The following GRB14 variants were observed in gnomAD, a reference collection of about 807,000 sequenced individuals.
GRB14 encodes growth factor receptor-bound protein 14.
Under a neutral mutation model 69.1 loss-of-function variants are expected in GRB14, and 38 were observed. The observed-to-expected ratio is 0.55, with a 90% CI of 0.42 to 0.72. The LOEUF (loss-of-function observed/expected upper bound fraction) is 0.72, where lower values mean the gene tolerates loss of function less well. GRB14 is among the 30% of genes least tolerant of loss of function. The pLI is 0.00. For missense variants in GRB14, 666 were observed against 666.1 expected, an observed-to-expected ratio of 1.00 and a Z score of 0.00; for synonymous variants, 247 against 241.3, an observed-to-expected ratio of 1.02 and a Z score of -0.22.
intron 9 of GRB14, among the ~76,000 whole-genome samples, chr2:164,500,636 T>C (rs1225725806): frequency 6.6e-6 from 1 of 152,012 alleles, no homozygotes; most frequent in African/African-American, 2.4e-5. Flanking sequence ...ATTAATAATA[T>C]TAAAGATGTA....
intron 2 of GRB14, among the ~76,000 whole-genome samples, chr2:164,586,898 G>A (rs1044189541): frequency 6.6e-6 from 1 of 152,064 alleles, no homozygotes; most frequent in Admixed American, 6.6e-5. Flanking sequence ...AAAACCACAA[G>A]GCTGACATAA....
At chr2:164,578,498 A>C (rs1286697446) in intron 2 of GRB14, among the ~76,000 whole-genome samples, 7 of 149,842 alleles carry the variant, frequency 4.7e-5, no homozygotes, top group African/African-American at 1.7e-4. Context: ...GAACAAAAAA[A>C]AGGAACGAAA....
At position 164,578,522 on chromosome 2, in the gene GRB14, G is replaced by GCACACACACA. The variant is rs61283767; in HGVS notation, c.325-30716_325-30707dup. Reference sequence around the variant, plus strand: ...AAAGGAACGAAAAGACAATTCGCGCGCACACACACACACACACACACACAC... The same window carrying GCACACACACA: ...AAAGGAACGAAAAGACAATTCGCGCGCACACACACACACACACACACACACACACACACAC... On this transcript the variant is annotated intron_variant, in intron 2 of 13. Transcript: ENST00000263915. 7.1e-3 allele frequency among the ~76,000 whole-genome samples: 1,039 copies of GCACACACACA among 145,656 alleles called. 4 individuals are homozygous for GCACACACACA. The highest frequency in any genetic ancestry group is 0.011 in the Non-Finnish European group (702 of 66,398).
intron 2 of GRB14, among the ~76,000 whole-genome samples, chr2:164,566,516 C>T (rs1002508023): frequency 2.4e-4 from 36 of 152,118 alleles, no homozygotes; most frequent in Middle Eastern, 3.4e-3. Flanking sequence ...TAAAATACCA[C>T]GATAAATCAC....
chr2:164,583,750 C>T (rs1315839419), intron 2 of GRB14, among the ~76,000 whole-genome samples: 2 of 152,088 alleles, frequency 1.3e-5, no homozygotes, highest in African/African-American at 2.4e-5. Flanking sequence ...GATAAAACAT[C>T]TGAAATTGTA....
intron 3 of GRB14, among the ~76,000 whole-genome samples, chr2:164,545,142 C>G (rs1485936054): frequency 6.6e-6 from 1 of 152,114 alleles, no homozygotes; most frequent in Non-Finnish European, 1.5e-5. Flanking sequence ...TTTCACAAGT[C>G]TGAACAAATT....
intron 8 of GRB14, among the ~76,000 whole-genome samples, chr2:164,503,540 C>T (rs1048579916): frequency 2.7e-5 from 4 of 149,262 alleles, no homozygotes; most frequent in South Asian, 4.3e-4. Context: ...TGCAAACCCA[C>T]ATTCATTTAA....
At chr2:164,598,305 T>C (rs1407851462) in intron 2 of GRB14, among the ~76,000 whole-genome samples, 2 of 152,208 alleles carry the variant, frequency 1.3e-5, no homozygotes, top group Non-Finnish European at 2.9e-5. Flanking sequence ...ATGTTAGGTA[T>C]TAAATTGAAT....
chr2:164,493,620 A>T (rs1686816391), intron 13 of GRB14, among the ~76,000 whole-genome samples: 1 of 152,288 alleles, frequency 6.6e-6, no homozygotes, highest in South Asian at 2.1e-4. Context: ...ATATTATGCT[A>T]ATGGAATGTC....
chr2:164,504,357 A>C lies in GRB14; in HGVS notation c.1024-2022T>G, dbSNP rs571322772. ...CGCTGGAAATAACACAGTAGACAAC[A>C]AAAGAAAACAAAGTAGGTGTTAAAG... On this transcript the variant is annotated intron_variant, in intron 8 of 13. Coordinates refer to ENST00000263915, the MANE Select transcript of GRB14 (RefSeq NM_004490.3). 3.9e-5 allele frequency among the ~76,000 whole-genome samples: 6 copies of C among 152,250 alleles called. No homozygotes were observed. The East Asian group carries it at 7.8e-4, about 20-fold the overall frequency.
chr2:164,529,236 G>A (rs899219337), intron 3 of GRB14, among the ~76,000 whole-genome samples: 1 of 152,112 alleles, frequency 6.6e-6, no homozygotes, highest in Non-Finnish European at 1.5e-5. Context: ...AAGTAGAATG[G>A]TGGCTGCCAG....
rs78550260 is a variant in GRB14 at position 164,563,720 on chromosome 2, C to T, written c.325-15904G>A. 7.1e-3 allele frequency among the ~76,000 whole-genome samples: 1,086 copies of T among 152,330 alleles called. 7 individuals are homozygous for T. Among genetic ancestry groups the T allele is most frequent in the Non-Finnish European group, 0.01 (703 of 68,024 alleles). On this transcript the variant is annotated intron_variant, in intron 2 of 13. Coordinates refer to ENST00000263915, the MANE Select transcript of GRB14 (RefSeq NM_004490.3). ...CTTGTAAAGTGAAAGAAAAATAAAT[C>T]TCTTTTCCTCCTTAATCCACAGTCC...
chr2:164,606,132 G>A (rs1690035368), intron 2 of GRB14, among the ~76,000 whole-genome samples: 1 of 152,024 alleles, frequency 6.6e-6, no homozygotes, highest in Non-Finnish European at 1.5e-5. Context: ...GTTCCAAAAA[G>A]GTGTTCCATG....
At chr2:164,551,388 C>T (rs1688533847) in intron 2 of GRB14, among the ~76,000 whole-genome samples, 1 of 152,132 alleles carries the variant, frequency 6.6e-6, no homozygotes, top group South Asian at 2.1e-4. Flanking sequence ...ATGGGGCCCA[C>T]ACAGAGTAAG....
intron 8 of GRB14, among the ~76,000 whole-genome samples, chr2:164,507,113 T>G (rs755445467): frequency 4.6e-5 from 7 of 152,200 alleles, no homozygotes; most frequent in Admixed American, 6.6e-5. Context: ...AATTTAAAAA[T>G]TGTAAGAATA....
intron 2 of GRB14, among the ~76,000 whole-genome samples, chr2:164,614,899 C>A: frequency 6.6e-6 from 1 of 152,018 alleles, no homozygotes; most frequent in Non-Finnish European, 1.5e-5. Context: ...CAGAGATCTG[C>A]TTATCCTTTG....
chr2:164,553,846 C>A (rs1281222068), intron 2 of GRB14, among the ~76,000 whole-genome samples: 1 of 152,066 alleles, frequency 6.6e-6, no homozygotes, highest in Non-Finnish European at 1.5e-5. Flanking sequence ...CCCAGCTACT[C>A]AGGAGGCTGA....
chr2:164,534,116 A>C (rs2105296496), intron 3 of GRB14, among the ~76,000 whole-genome samples: 1 of 152,322 alleles, frequency 6.6e-6, no homozygotes, highest in East Asian at 1.9e-4. Context: ...CTATTCTATC[A>C]AAAATTCAGA....
chr2:164,512,672 A>G (rs1010346702), intron 6 of GRB14, among the ~76,000 whole-genome samples: 13 of 152,352 alleles, frequency 8.5e-5, no homozygotes, highest in South Asian at 6.2e-4. Context: ...AAGGAAATAC[A>G]TGCACACACA....
Sources: gnomAD v4.1 joint callset for allele counts (sites outside exome capture counted in the v4.1 genomes callset) on GRCh38, gnomAD v4.1.1 for gene constraint, MANE v1.5 for transcripts, NCBI Gene and HGNC (gene_info 2026-07-23, HGNC 2026-07-21) for gene names.